Variants in SLC12A7 observed in about 807,000 individuals in gnomAD.
The protein encoded by SLC12A7 is solute carrier family 12 member 7.
A neutral mutation model predicts 120.6 loss-of-function variants in SLC12A7; 100 were observed. That is an observed-to-expected ratio of 0.83 (90% CI 0.71 to 0.98). The LOEUF (loss-of-function observed/expected upper bound fraction) is 0.98. Ranked by LOEUF, SLC12A7 falls within the 50% of genes least tolerant of loss-of-function variation. SLC12A7 has a pLI of 0.00. For missense variants in SLC12A7, 1,373 were observed against 1,548.1 expected, an observed-to-expected ratio of 0.89 and a Z score of 1.90; for synonymous variants, 760 against 678.0, an observed-to-expected ratio of 1.12 and a Z score of -1.88.
chr5:1,092,659 C>A (rs755779405), intron 3 of SLC12A7, among the ~76,000 whole-genome samples: 1 of 152,132 alleles, frequency 6.6e-6, no homozygotes, highest in Non-Finnish European at 1.5e-5. Context: ...AATTTTGTGT[C>A]AAGACTGGGG....
intron 21 of SLC12A7, among the ~76,000 whole-genome samples, chr5:1,058,882 C>T (rs1348809359): frequency 1.0e-4 from 2 of 19,172 alleles, no homozygotes; most frequent in Non-Finnish European, 9.4e-4. Flanking sequence ...TGCACAGCAG[C>T]TCATCCAAAC....
chr5:1,064,102 A>T lies in SLC12A7; in HGVS notation c.2588T>A (p.Phe863Tyr). 1.9e-6 allele frequency: 3 copies of T among 1,608,064 alleles called. No individual in the cohort carries two copies. The highest frequency in any genetic ancestry group is 2.5e-6 in the Non-Finnish European group (3 of 1,176,854). The change falls in exon 19 of 24, where the codon TTC (phenylalanine) becomes TAC (tyrosine). Residue 863 changes from phenylalanine to tyrosine, a missense_variant. Transcript: ENST00000264930. ...CCCCACCTTGTGCTGGCGCAGCAGG[A>T]AGGGCAGCAGCATGAGCATGCCGCC... ...HDGGMLMLLP[F>Y]LLRQHKVWRK...
chr5:1,137,802 G>C, the SLC12A7 span, among the ~76,000 whole-genome samples: 1 of 152,234 alleles, frequency 6.6e-6, no homozygotes, highest in African/African-American at 2.4e-5. Context: ...TGGCGGAGAA[G>C]ACAGCACAAG....
intron 17 of SLC12A7, among the ~76,000 whole-genome samples, chr5:1,069,978 C>T (rs1213886624): frequency 6.8e-6 from 1 of 147,354 alleles, no homozygotes; most frequent in African/African-American, 2.7e-5. Context: ...CAGCACACGG[C>T]ATCACACTTA....
At chr5:1,068,483 G>C (rs1370482908) in intron 17 of SLC12A7, among the ~76,000 whole-genome samples, 1 of 152,258 alleles carries the variant, frequency 6.6e-6, no homozygotes, top group Non-Finnish European at 1.5e-5. Flanking sequence ...GATTTGCCCA[G>C]ATTTCTCTAA....
At chr5:1,102,225 G>A (rs370313320) in intron 1 of SLC12A7, among the ~76,000 whole-genome samples, 4 of 152,294 alleles carry the variant, frequency 2.6e-5, no homozygotes, top group African/African-American at 9.6e-5. Flanking sequence ...CAGCCAGAGA[G>A]GCAGTGAGAG....
intron 20 of SLC12A7, among the ~76,000 whole-genome samples, 198 bp from the exon 21 acceptor site, chr5:1,060,649 C>T (rs1736086943): frequency 6.6e-6 from 1 of 152,204 alleles, no homozygotes; most frequent in South Asian, 2.1e-4. Flanking sequence ...GGCAGTCACG[C>T]CGCACACACG....
rs1006431940 is a variant in SLC12A7 at position 1,050,666 on chromosome 5, T to C, written c.*1694A>G. The C allele has an allele frequency of 1.3e-5, 5 of 392,094 alleles. No individual in the cohort carries two copies. Among genetic ancestry groups the C allele is most frequent in the Admixed American group, 4.4e-5 (1 of 22,492 alleles). The allele number at this position is 392,094 out of a possible 1,614,324, so 24.3% of individuals were successfully genotyped here. On this transcript the variant is annotated 3_prime_UTR_variant, in exon 24 of 24. Coordinates refer to ENST00000264930, the MANE Select transcript of SLC12A7 (RefSeq NM_006598.3). ...CAGCACCATGTGGCCGCTGTGCCTC[T>C]AGCCTGCTCTCCTCCAGGTGCAGGG...
chr5:1,124,024 A>T, the SLC12A7 span, among the ~76,000 whole-genome samples: 1 of 152,214 alleles, frequency 6.6e-6, no homozygotes, highest in African/African-American at 2.4e-5. Flanking sequence ...CAAGTCATCA[A>T]TTTCTATTTT....
the SLC12A7 span, among the ~76,000 whole-genome samples, chr5:1,126,895 T>C: frequency 6.6e-6 from 1 of 152,148 alleles, no homozygotes; most frequent in Non-Finnish European, 1.5e-5. Context: ...CAGAAGGATA[T>C]GTTGAAGTTC....
chr5:1,106,904 T>C (rs1168784830), intron 1 of SLC12A7, among the ~76,000 whole-genome samples: 1 of 152,206 alleles, frequency 6.6e-6, no homozygotes, highest in African/African-American at 2.4e-5. Flanking sequence ...TGACAGCTCA[T>C]CCTCACGGGT....
At position 1,088,748 on chromosome 5, in the gene SLC12A7, C is replaced by T. The variant is rs190104728; in HGVS notation, c.489+234G>A. On this transcript the variant is annotated intron_variant, in intron 4 of 23. Transcript: ENST00000264930. ...TGAGGTGCCAGCACGCCAGTCAACA[C>T]GCCAGCACTAACCCCGGACAGTGTG... 7.2e-5 allele frequency among the ~76,000 whole-genome samples: 11 copies of T among 152,344 alleles called. No individual in the cohort carries two copies. In the East Asian group the frequency reaches 1.3e-3, roughly 19 times the overall value.
chr5:1,092,065 C>T (rs1740582872), intron 3 of SLC12A7, among the ~76,000 whole-genome samples: 1 of 152,242 alleles, frequency 6.6e-6, no homozygotes, highest in Admixed American at 6.5e-5. Context: ...AGGCCAGGCC[C>T]CACCCCAAGG....
At position 1,051,436 on chromosome 5, in the gene SLC12A7, G is replaced by A. The variant is rs1735027417; in HGVS notation, c.*924C>T. On this transcript the variant is annotated 3_prime_UTR_variant, in exon 24 of 24. Transcript: ENST00000264930. ...GTCCTGGCTGTCGTGGGCTGTCGGG[G>A]GAACTCACTGTTCACTCTGCGCGCG... 1 of 154,156 alleles carries A rather than the reference G, an allele frequency of 6.5e-6. No individual in the cohort carries two copies. The highest frequency in any genetic ancestry group is 3.3e-3 in the Middle Eastern group (1 of 300). 9.5% of individuals were successfully genotyped at this position (154,156 alleles called of 1,614,324 possible).
chr5:1,150,714 G>C, the SLC12A7 span, among the ~76,000 whole-genome samples: 1 of 152,242 alleles, frequency 6.6e-6, no homozygotes, highest in East Asian at 1.9e-4. Context: ...AGCTTGTCCT[G>C]CTCCACAGAT....
At chr5:1,149,265 C>T in the SLC12A7 span, among the ~76,000 whole-genome samples, 5 of 152,240 alleles carry the variant, frequency 3.3e-5, no homozygotes, top group East Asian at 1.9e-4. Context: ...CTCACCAACA[C>T]GGTATTGTCC....
chr5:1,073,487 G>A lies in SLC12A7; in HGVS notation c.2241+146C>T, dbSNP rs1166108150. The A allele has an allele frequency of 9.8e-6, 9 of 920,618 alleles. No homozygotes were observed. In the African/African-American group the frequency reaches 1.5e-4, roughly 16 times the overall value. The allele number at this position is 920,618 out of a possible 1,614,324, so 57.0% of individuals were successfully genotyped here. On this transcript the variant is annotated intron_variant, in intron 17 of 23. Coordinates refer to ENST00000264930, the MANE Select transcript of SLC12A7 (RefSeq NM_006598.3). ...CTCCCAGGCCTTAGCGCGCTGCTCT[G>A]AGCTCAAAGCCACCGCCACGGCTAA...
chr5:1,091,821 C>T (rs1740549709), intron 3 of SLC12A7, among the ~76,000 whole-genome samples: 3 of 151,958 alleles, frequency 2.0e-5, no homozygotes, highest in Non-Finnish European at 2.9e-5. Context: ...ACACCATCCA[C>T]GTGCAGAAAG....
At chr5:1,154,883 C>T in the SLC12A7 span, among the ~76,000 whole-genome samples, 1 of 152,188 alleles carries the variant, frequency 6.6e-6, no homozygotes. Context: ...GATGGACCCT[C>T]GGGGCACCCA....
Sources: allele counts gnomAD v4.1 joint callset (sites outside exome capture counted in the v4.1 genomes callset), GRCh38; gene constraint gnomAD v4.1.1; transcripts MANE v1.5; gene names NCBI Gene and HGNC (gene_info 2026-07-23, HGNC 2026-07-21).